The following ZNF407 variants were observed in gnomAD, a reference collection of about 807,000 sequenced individuals.
ZNF407 encodes zinc finger protein 407.
ZNF407 carries 17 observed loss-of-function variants against 131.2 expected under a neutral mutation model. The observed-to-expected ratio is 0.13, with a 90% CI of 0.09 to 0.19. The LOEUF is 0.19. ZNF407 is among the 10% of genes least tolerant of loss of function. The pLI is 1.00. For missense variants in ZNF407, 2,681 were observed against 2,830.6 expected, an observed-to-expected ratio of 0.95 and a Z score of 1.20; for synonymous variants, 1,156 against 1,062.0, an observed-to-expected ratio of 1.09 and a Z score of -1.72.
chr18:74,637,426 AAT>A (rs1238630693), intron 2 of ZNF407, among the ~76,000 whole-genome samples: 1 of 152,182 alleles, frequency 6.6e-6, no homozygotes, highest in African/African-American at 2.4e-5. Flanking sequence ...GGTAACTATC[AAT>A]ATGTGACAAA....
intron 7 of ZNF407, among the ~76,000 whole-genome samples, chr18:74,906,695 TG>T (rs1462113123): frequency 1.3e-5 from 2 of 152,230 alleles, no homozygotes; most frequent in African/African-American, 4.8e-5. Context: ...GTATTTTCCA[TG>T]TATACATTTT....
intron 8 of ZNF407, among the ~76,000 whole-genome samples, chr18:74,963,380 G>C (rs1972371144): frequency 1.3e-5 from 2 of 152,090 alleles, no homozygotes; most frequent in South Asian, 4.1e-4. Context: ...TACCCATTTG[G>C]TAGAGCTCAC....
At chr18:74,886,543 A>G (rs753345393) in intron 6 of ZNF407, among the ~76,000 whole-genome samples, 1 of 152,234 alleles carries the variant, frequency 6.6e-6, no homozygotes, top group African/African-American at 2.4e-5. Context: ...GTACACCCGT[A>G]TAATGGAATA....
chr18:74,715,661 A>T lies in ZNF407; in HGVS notation c.4803-65767A>T, dbSNP rs191135906. Among the ~76,000 whole-genome samples the T allele has an allele frequency of 4.2e-3, 633 of 152,186 alleles. 6 individuals are homozygous for T. The highest frequency in any genetic ancestry group is 0.034 in the South Asian group (165 of 4,820). On this transcript the variant is annotated intron_variant, in intron 3 of 8. Transcript: ENST00000299687. Reference sequence around the variant, plus strand: ...GAGGGTTACCCATACAACATTTTTTAAAAAAAATTAATTATTTCACATGAG... The same window carrying T: ...GAGGGTTACCCATACAACATTTTTTTAAAAAAATTAATTATTTCACATGAG...
At chr18:74,946,980 G>A (rs1269361354) in intron 8 of ZNF407, among the ~76,000 whole-genome samples, 1 of 152,070 alleles carries the variant, frequency 6.6e-6, no homozygotes, top group Non-Finnish European at 1.5e-5. Context: ...ATGGAAAAAA[G>A]CATTTTTCTT....
chr18:74,749,239 C>T lies in ZNF407; in HGVS notation c.4803-32189C>T, dbSNP rs546613331. Among the ~76,000 whole-genome samples, 14 of 152,256 alleles carry T rather than the reference C, an allele frequency of 9.2e-5. No homozygotes were observed. The South Asian group carries it at 2.7e-3, about 29-fold the overall frequency. ...CAGCCATAGGAATATGAGAGCATCGCGTGTACAGGTCTCCTCTCTGCTGTC... is the reference window on the plus strand; with the variant it reads ...CAGCCATAGGAATATGAGAGCATCGTGTGTACAGGTCTCCTCTCTGCTGTC... On this transcript the variant is annotated intron_variant, in intron 3 of 8. Coordinates refer to ENST00000299687, the MANE Select transcript of ZNF407 (RefSeq NM_017757.3).
At chr18:74,603,938 G>A (rs575676364) in intron 1 of ZNF407, among the ~76,000 whole-genome samples, 173 of 152,274 alleles carry the variant, frequency 1.1e-3, no homozygotes, top group African/African-American at 3.8e-3. Context: ...GATTTGATGG[G>A]TTGTAAAGCT....
At chr18:74,616,790 GCACCATA>G (rs1983307791) in intron 1 of ZNF407, among the ~76,000 whole-genome samples, 1 of 16,008 alleles carries the variant, frequency 6.2e-5, no homozygotes, top group Non-Finnish European at 1.3e-4. Context: ...CCATATCCAC[GCACCATA>G]CACATCCATA....
intron 3 of ZNF407, among the ~76,000 whole-genome samples, chr18:74,699,107 A>G (rs1466580912): frequency 1.3e-5 from 2 of 152,006 alleles, no homozygotes; most frequent in Non-Finnish European, 1.5e-5. Flanking sequence ...TCATTTATTA[A>G]CCAATTTTTT....
chr18:74,611,140 C>T lies in ZNF407; in HGVS notation c.-54+13203C>T, dbSNP rs2144619395. 1.3e-5 allele frequency among the ~76,000 whole-genome samples: 2 copies of T among 152,236 alleles called. 1 individual carries two copies. Among genetic ancestry groups the T allele is most frequent in the South Asian group, 4.1e-4 (2 of 4,822 alleles). Reference sequence around the variant, plus strand: ...TTACTCACAAAAATCAACCGCAGGTCAATTAAAGGCTTAAATATAGAAGGC... The same window carrying T: ...TTACTCACAAAAATCAACCGCAGGTTAATTAAAGGCTTAAATATAGAAGGC... On this transcript the variant is annotated intron_variant, in intron 1 of 8. Coordinates refer to ENST00000299687, the MANE Select transcript of ZNF407 (RefSeq NM_017757.3).
At chr18:74,902,749 A>T (rs1971545222) in intron 7 of ZNF407, among the ~76,000 whole-genome samples, 2 of 152,224 alleles carry the variant, frequency 1.3e-5, no homozygotes, top group Non-Finnish European at 2.9e-5. Context: ...GCAACTGTAG[A>T]CTTAGGGAGC....
intron 8 of ZNF407, among the ~76,000 whole-genome samples, chr18:74,952,949 G>A (rs554157561): frequency 6.6e-6 from 1 of 152,342 alleles, no homozygotes; most frequent in East Asian, 1.9e-4. Flanking sequence ...GGAGCAGTGG[G>A]AGTGGAATGG....
chr18:74,917,719 C>T (rs1036791902), intron 7 of ZNF407, among the ~76,000 whole-genome samples: 2 of 152,174 alleles, frequency 1.3e-5, no homozygotes, highest in African/African-American at 4.8e-5. Flanking sequence ...GGATTCATTG[C>T]TTATATTATT....
intron 4 of ZNF407, among the ~76,000 whole-genome samples, chr18:74,794,813 A>G (rs1231685770): frequency 6.6e-6 from 1 of 152,196 alleles, no homozygotes; most frequent in African/African-American, 2.4e-5. Flanking sequence ...AGAGTTGCAT[A>G]CGATGCTTAA....
At chr18:75,037,659 A>G (rs982751899) in intron 8 of ZNF407, among the ~76,000 whole-genome samples, 1 of 152,082 alleles carries the variant, frequency 6.6e-6, no homozygotes. Context: ...ACAGTACACC[A>G]AGGTAATGCT....
intron 8 of ZNF407, among the ~76,000 whole-genome samples, chr18:75,009,688 G>A (rs1049929207): frequency 1.3e-5 from 2 of 152,000 alleles, no homozygotes; most frequent in African/African-American, 4.8e-5. Flanking sequence ...GGCTCCTGTA[G>A]GAGTACTATT....
chr18:75,017,872 A>G (rs1445523165), intron 8 of ZNF407, among the ~76,000 whole-genome samples: 1 of 152,160 alleles, frequency 6.6e-6, no homozygotes, highest in East Asian at 1.9e-4. Context: ...TACACTGTCC[A>G]GTGGTGGGCA....
Position 74,877,294 on chromosome 18 carries a change from A to G in ZNF407, c.4975A>G (p.Thr1659Ala), listed in dbSNP as rs545991137. 3 of 1,613,972 alleles carry G rather than the reference A, an allele frequency of 1.9e-6. No individual in the cohort carries two copies. Among genetic ancestry groups the G allele is most frequent in the African/African-American group, 2.7e-5 (2 of 75,062 alleles). Reference protein sequence around the residue: ...LHTGEKPFKCTWPTCHYSFLT... With the variant: ...LHTGEKPFKCAWPTCHYSFLT... Reference sequence around the variant, plus strand: ...CACGGGAGAAAAGCCGTTTAAATGTACCTGGCCCACGTGCCATTACTCATT... The same window carrying G: ...CACGGGAGAAAAGCCGTTTAAATGTGCCTGGCCCACGTGCCATTACTCATT... Residue 1659 changes from threonine to alanine, a missense_variant, in exon 5 of 9, where the codon ACC becomes GCC. Transcript: ENST00000299687.
intron 8 of ZNF407, among the ~76,000 whole-genome samples, chr18:75,029,285 T>C (rs1261770216): frequency 1.3e-5 from 2 of 152,122 alleles, no homozygotes; most frequent in African/African-American, 4.8e-5. Context: ...CAATGTGTTA[T>C]GTTATTACAG....
Sources: gnomAD v4.1 joint callset for allele counts (sites outside exome capture counted in the v4.1 genomes callset) on GRCh38, gnomAD v4.1.1 for gene constraint, MANE v1.5 for transcripts, NCBI Gene and HGNC (gene_info 2026-07-23, HGNC 2026-07-21) for gene names.